The following CAST variants were observed in gnomAD, a reference collection of about 807,000 sequenced individuals.
CAST encodes calpastatin, also known as MIR583 host.
In CAST, 76 loss-of-function variants were observed where a neutral mutation model predicts 119.6. That is an observed-to-expected ratio of 0.64 (90% CI 0.53 to 0.77). The LOEUF (loss-of-function observed/expected upper bound fraction) is 0.77. Among genes scored for constraint, CAST ranks in the 30% least tolerant of loss-of-function variants. The pLI is 0.00. For missense variants in CAST, 953 were observed against 946.5 expected (o/e 1.01, Z -0.09); for synonymous variants, 319 against 331.6 (o/e 0.96, Z 0.41).
intron 1 of CAST, among the ~76,000 whole-genome samples, chr5:96,533,528 A>T (rs1745730124): frequency 6.6e-6 from 1 of 152,196 alleles, no homozygotes; most frequent in Admixed American, 6.5e-5. Context: ...CTGCTTCGAG[A>T]TTCGCACTGA....
At chr5:96,360,925 C>G in the CAST span, among the ~76,000 whole-genome samples, 3 of 152,228 alleles carry the variant, frequency 2.0e-5, no homozygotes, top group East Asian at 5.8e-4. Flanking sequence ...GCTGAAACTG[C>G]ACCCACAGCT....
At chr5:95,965,111 A>G in the CAST span, 1 of 152,286 alleles carries the variant, frequency 6.6e-6, no homozygotes. Context: ...GAGGGCAGAT[A>G]CAATGTCATA....
chr5:96,150,377 T>G, the CAST span, among the ~76,000 whole-genome samples: 3 of 152,268 alleles, frequency 2.0e-5, no homozygotes, highest in Middle Eastern at 3.4e-3. Context: ...TAGAGGGGAT[T>G]TCTTGAGGAG....
chr5:96,473,404 A>G, the CAST span, among the ~76,000 whole-genome samples: 1 of 152,260 alleles, frequency 6.6e-6, no homozygotes, highest in African/African-American at 2.4e-5. Flanking sequence ...AAATCTGACA[A>G]TAAATTATAT....
At chr5:96,675,430 T>G (rs778685486) in intron 1 of CAST, 109 bp from the exon 2 acceptor site, 12 of 732,268 alleles carry the variant, frequency 1.6e-5, no homozygotes, top group Non-Finnish European at 2.4e-5. Flanking sequence ...GGAGGAAGAT[T>G]AAAGTGGTCG....
At chr5:96,423,808 G>A in the CAST span, among the ~76,000 whole-genome samples, 3,752 of 152,196 alleles carry the variant, frequency 0.025, 151 homozygotes, top group African/African-American at 0.086. Context: ...TTTGATAGTC[G>A]ATGTTTTCAT....
At chr5:96,718,808 G>C (rs1395389708) in intron 3 of CAST, among the ~76,000 whole-genome samples, 1 of 152,190 alleles carries the variant, frequency 6.6e-6, no homozygotes, top group Non-Finnish European at 1.5e-5. Flanking sequence ...TAGTGTTGCA[G>C]GTGGGAGGAT....
intron 1 of CAST, among the ~76,000 whole-genome samples, chr5:96,652,110 C>G (rs1171833522): frequency 6.6e-6 from 1 of 152,152 alleles, no homozygotes; most frequent in African/African-American, 2.4e-5. Context: ...AATCCAAAAC[C>G]CCTGCTTTTC....
At chr5:96,359,087 T>C in the CAST span, among the ~76,000 whole-genome samples, 1 of 152,218 alleles carries the variant, frequency 6.6e-6, no homozygotes, top group Non-Finnish European at 1.5e-5. Flanking sequence ...TTACATTGTG[T>C]AATGTTCTTC....
At chr5:96,093,462 G>T in the CAST span, among the ~76,000 whole-genome samples, 1 of 152,250 alleles carries the variant, frequency 6.6e-6, no homozygotes, top group East Asian at 1.9e-4. Flanking sequence ...GCAGGGTGGA[G>T]CATGTCTTGC....
intron 19 of CAST, among the ~76,000 whole-genome samples, chr5:96,749,981 G>GC (rs1764639445): frequency 9.2e-5 from 14 of 152,120 alleles, no homozygotes; most frequent in Admixed American, 9.2e-4. Context: ...AGTACATGGG[G>GC]CAGGGGTCTA....
the CAST span, among the ~76,000 whole-genome samples, chr5:96,305,708 A>C: frequency 1.3e-5 from 2 of 151,286 alleles, no homozygotes; most frequent in Non-Finnish European, 3.0e-5. Flanking sequence ...CTATTGAGAT[A>C]ATCCTGTGGT....
At chr5:96,269,912 A>G in the CAST span, among the ~76,000 whole-genome samples, 1 of 152,210 alleles carries the variant, frequency 6.6e-6, no homozygotes, top group Non-Finnish European at 1.5e-5. Flanking sequence ...TTACCCTTAT[A>G]CCAAAACTAG....
the CAST span, among the ~76,000 whole-genome samples, chr5:96,366,967 C>A: frequency 6.6e-6 from 1 of 152,146 alleles, no homozygotes; most frequent in African/African-American, 2.4e-5. Flanking sequence ...TTTTATCTAC[C>A]TTTGGTCTTT....
intron 1 of CAST, among the ~76,000 whole-genome samples, chr5:96,561,190 C>T (rs1174549417): frequency 1.6e-5 from 2 of 121,378 alleles, no homozygotes; most frequent in African/African-American, 6.5e-5. Flanking sequence ...CATCACACAC[C>T]AGGGCCTGTT....
the CAST span, among the ~76,000 whole-genome samples, chr5:96,301,148 C>G: frequency 6.6e-6 from 1 of 152,086 alleles, no homozygotes; most frequent in Non-Finnish European, 1.5e-5. Flanking sequence ...AAAAGGGAAG[C>G]TGACACATCC....
chr5:96,139,210 G>A, the CAST span, among the ~76,000 whole-genome samples: 1 of 151,416 alleles, frequency 6.6e-6, no homozygotes, highest in African/African-American at 2.4e-5. Flanking sequence ...TGCTTATTTA[G>A]TTTAATAATC....
At chr5:96,280,576 G>A in the CAST span, among the ~76,000 whole-genome samples, 6 of 152,156 alleles carry the variant, frequency 3.9e-5, no homozygotes, top group Non-Finnish European at 7.3e-5. Flanking sequence ...ACATGACTTT[G>A]GGTAAGACCC....
chr5:96,551,800 C>T (rs1014899552), intron 1 of CAST, among the ~76,000 whole-genome samples: 4 of 151,760 alleles, frequency 2.6e-5, no homozygotes, highest in African/African-American at 9.7e-5. Flanking sequence ...TTTAACCCAA[C>T]AAAGATCAAA....
Sources: gnomAD v4.1 joint callset for allele counts (sites outside exome capture counted in the v4.1 genomes callset) on GRCh38, gnomAD v4.1.1 for gene constraint, MANE v1.5 for transcripts, NCBI Gene and HGNC (gene_info 2026-07-23, HGNC 2026-07-21) for gene names.